The following FBH1 variants were observed in gnomAD, a reference collection of about 807,000 sequenced individuals.
The protein encoded by FBH1 is DNA 3'-5' helicase 1.
In FBH1, 43 loss-of-function variants were observed where a neutral mutation model predicts 115.5. The observed-to-expected ratio is 0.37, with a 90% CI of 0.29 to 0.48. FBH1 has a LOEUF of 0.48. FBH1 is among the 20% of genes least tolerant of loss of function. The probability of loss-of-function intolerance (pLI) is 0.99; values close to 1 mark genes in which losing one functional copy is unlikely to be tolerated. For synonymous variants in FBH1, 524 were observed against 507.8 expected, an observed-to-expected ratio of 1.03 and a Z score of -0.43; for missense variants, 1,001 against 1,337.3, an observed-to-expected ratio of 0.75 and a Z score of 3.92.
In FBH1 at chr10:5,911,188, A is replaced by G. The variant is rs1831566953; in HGVS notation, c.1211+60A>G. 5.9e-6 allele frequency: 9 copies of G among 1,516,464 alleles called. No individual in the cohort carries two copies. Among genetic ancestry groups the G allele is most frequent in the Admixed American group, 5.5e-5 (3 of 54,858 alleles). 93.9% of individuals were successfully genotyped at this position (1,516,464 alleles called of 1,614,324 possible). On this transcript the variant is annotated intron_variant, in intron 6 of 20. Transcript: ENST00000362091. The surrounding 1 kb of genome is among the most constrained non-coding windows in gnomAD (Gnocchi z 5.4). The stretch of plus-strand genomic sequence containing the variant: ...ATAATGGGAGAGTCCCAGACACAGC[A>G]GCAGGTCCAGCCCTGCCACTTAGCA...
chr10:5,916,321 A>G lies in FBH1; in HGVS notation c.1653A>G (p.Ile551Met). The change falls in exon 10 of 21, where the codon ATA becomes ATG. Residue 551 changes from isoleucine (I) to methionine (M), a missense_variant. By Grantham distance (10) the Ile-to-Met change is conservative. Transcript: ENST00000362091. ...SVLAEGKGGF[I>M]RAKLVCKTLE... ...TTGCTGAAGGGAAGGGTGGATTCAT[A>G]AGAGCCAAGCTTGTGTGTAAGACTC... The G allele has an allele frequency of 6.2e-7, 1 of 1,614,236 alleles. No individual in the cohort carries two copies. Among genetic ancestry groups the G allele is most frequent in the Non-Finnish European group, 8.5e-7 (1 of 1,180,036 alleles).
In FBH1 at chr10:5,909,471, TA is replaced by T; in HGVS notation, c.1020+179del. 8.5e-6 allele frequency: 6 copies of T among 702,706 alleles called. No individual in the cohort carries two copies. The South Asian group carries it at 1.1e-4, about 13-fold the overall frequency. The allele number at this position is 702,706 out of a possible 1,614,324, so 43.5% of individuals were successfully genotyped here. A position where few individuals can be genotyped will look rare whatever the true frequency, so the allele number is the denominator to read the frequency against. ...CCCAGTGGAGAAATAAAAGGCCATATAATTGTAGAGTCTTAGATGTAGATGA... is the reference window on the plus strand; with the variant it reads ...CCCAGTGGAGAAATAAAAGGCCATATATTGTAGAGTCTTAGATGTAGATGA... On this transcript the variant is annotated intron_variant, in intron 5 of 20. Transcript: ENST00000362091. The surrounding 1 kb of genome is among the most constrained non-coding windows in gnomAD (Gnocchi z 4.4).
intron 2 of FBH1, 58 bp from the exon 3 acceptor site, chr10:5,905,979 C>T: frequency 8.0e-7 from 1 of 1,252,840 alleles, no homozygotes; most frequent in Non-Finnish European, 1.1e-6. Context: ...TATGGATTAA[C>T]AGCAGGTCAA....
intron 10 of FBH1, among the ~76,000 whole-genome samples, chr10:5,916,731 G>GGAAA (rs1460052024): frequency 6.6e-6 from 1 of 152,316 alleles, no homozygotes; most frequent in Admixed American, 6.5e-5. Flanking sequence ...CTGAGGATGG[G>GGAAA]CAAACAGGGA....
intron 19 of FBH1, chr10:5,934,127 G>T (rs1833156060): frequency 1.3e-5 from 2 of 152,324 alleles, no homozygotes; most frequent in South Asian, 4.1e-4. Flanking sequence ...ACGGACGGGG[G>T]TGTTTTGGAG....
Position 5,914,327 on chromosome 10 carries a change from TC to T in FBH1, c.1396+62del. 10 of 1,434,382 alleles carry T rather than the reference TC, an allele frequency of 7.0e-6. No homozygotes were observed. Among genetic ancestry groups the T allele is most frequent in the Non-Finnish European group, 9.8e-6 (10 of 1,016,602 alleles). 88.9% of individuals were successfully genotyped at this position (1,434,382 alleles called of 1,614,324 possible). On this transcript the variant is annotated intron_variant, in intron 8 of 20. Coordinates refer to ENST00000362091, the MANE Select transcript of FBH1 (RefSeq NM_178150.3). This position sits in a 1 kb window ranked among gnomAD's most constrained non-coding sequence, Gnocchi z 5.2. ...TGGTTTTCTGCCTTTTCTCCCTACATCCCCTTCCCGCTACCTGCCAGGGCAT... is the reference window on the plus strand; with the variant it reads ...TGGTTTTCTGCCTTTTCTCCCTACATCCCTTCCCGCTACCTGCCAGGGCAT...
In FBH1 at chr10:5,897,082, T is replaced by G. The variant is rs1224894690; in HGVS notation, c.2-5938T>G. Reference sequence around the variant, plus strand: ...TAATGCTATTAAAACTGATGTGCCTTAGGAGACCCTCAGATTGGTGTGGTA... The same window carrying G: ...TAATGCTATTAAAACTGATGTGCCTGAGGAGACCCTCAGATTGGTGTGGTA... On this transcript the variant is annotated intron_variant, in intron 1 of 20. Transcript: ENST00000362091. The surrounding 1 kb of genome is among the most constrained non-coding windows in gnomAD (Gnocchi z 4.7). Among the ~76,000 whole-genome samples, 3 of 152,204 alleles carry G rather than the reference T, an allele frequency of 2.0e-5. No individual in the cohort carries two copies. Among genetic ancestry groups the G allele is most frequent in the Non-Finnish European group, 4.4e-5 (3 of 68,034 alleles).
intron 1 of FBH1, 28 bp from the exon 2 acceptor site, chr10:5,902,992 C>T (rs534808024): frequency 1.9e-6 from 3 of 1,579,042 alleles, no homozygotes; most frequent in African/African-American, 2.7e-5. Flanking sequence ...TGAATATCCC[C>T]TTTCTTCTAC....
chr10:5,920,101 G>A lies in FBH1; in HGVS notation c.2101-1157G>A, dbSNP rs563495264. Among the ~76,000 whole-genome samples, 5 of 152,292 alleles carry A rather than the reference G, an allele frequency of 3.3e-5. No homozygotes were observed. In the South Asian group the frequency reaches 1.0e-3, roughly 32 times the overall value. On this transcript the variant is annotated intron_variant, in intron 13 of 20. Transcript: ENST00000362091. ...AACCATGTGTCATGAGGCTCTTCTT[G>A]GCTGTGACAGTTGCTCAGACTTTCC...
chr10:5,929,099 T>C (rs1252977879), intron 19 of FBH1, among the ~76,000 whole-genome samples: 1 of 152,186 alleles, frequency 6.6e-6, no homozygotes, highest in African/African-American at 2.4e-5. Flanking sequence ...GGAATATTTA[T>C]TGAGGGCCTA....
chr10:5,921,154 A>G lies in FBH1; in HGVS notation c.2101-104A>G. 9.3e-7 allele frequency: 1 copy of G among 1,070,864 alleles called. No homozygotes were observed. Among genetic ancestry groups the G allele is most frequent in the Non-Finnish European group, 1.4e-6 (1 of 726,658 alleles). The allele number at this position is 1,070,864 out of a possible 1,614,324, so 66.3% of individuals were successfully genotyped here. On this transcript the variant is annotated intron_variant, in intron 13 of 20. Coordinates refer to ENST00000362091, the MANE Select transcript of FBH1 (RefSeq NM_178150.3). The surrounding 1 kb of genome is among the most constrained non-coding windows in gnomAD (Gnocchi z 6.4). ...TCGCTTTCCATGCGGGGGGTCAGGA[A>G]CAACTTGTAGGGTCTGGCCCGGCCA... is the stretch of plus-strand genomic sequence containing the variant.
At chr10:5,920,583 A>G (rs901749213) in intron 13 of FBH1, among the ~76,000 whole-genome samples, 4 of 152,326 alleles carry the variant, frequency 2.6e-5, no homozygotes, top group Non-Finnish European at 4.4e-5. Flanking sequence ...TATTTATGTT[A>G]TAATTTCGGT....
chr10:5,896,414 A>T (rs1843006289), intron 1 of FBH1, among the ~76,000 whole-genome samples: 1 of 152,120 alleles, frequency 6.6e-6, no homozygotes, highest in Non-Finnish European at 1.5e-5. Context: ...GGGTCCTGGA[A>T]TGGGGACCCC....
Position 5,933,593 on chromosome 10 carries a change from C to T in FBH1, c.2830-2863C>T, listed in dbSNP as rs1361778438. 2.0e-5 allele frequency among the ~76,000 whole-genome samples: 3 copies of T among 151,570 alleles called. No homozygotes were observed. The highest frequency in any genetic ancestry group is 4.4e-5 in the Non-Finnish European group (3 of 67,962). Reference sequence around the variant, plus strand: ...CAGAAAAACTGCCTATTTGTGGGAACAGATTTTTTAAGGCTGTAAGACCTT... The same window carrying T: ...CAGAAAAACTGCCTATTTGTGGGAATAGATTTTTTAAGGCTGTAAGACCTT... On this transcript the variant is annotated intron_variant, in intron 19 of 20. Transcript: ENST00000362091. The surrounding 1 kb of genome is among the most constrained non-coding windows in gnomAD (Gnocchi z 4.9).
At chr10:5,907,267 T>G (rs1564441010) in intron 3 of FBH1, among the ~76,000 whole-genome samples, 1 of 151,936 alleles carries the variant, frequency 6.6e-6, no homozygotes, top group Non-Finnish European at 1.5e-5. Context: ...GTCTGGCCCA[T>G]TTTTTGTTTG....
rs561669372 is a variant in FBH1 at position 5,924,991 on chromosome 10, G to A, written c.2597-376G>A. On this transcript the variant is annotated intron_variant, in intron 17 of 20. Coordinates refer to ENST00000362091, the MANE Select transcript of FBH1 (RefSeq NM_178150.3). This position sits in a 1 kb window ranked among gnomAD's most constrained non-coding sequence, Gnocchi z 6.2. ...TTTATTCTGTTCTACTTTCAAGCCC[G>A]TACAATGGGATTTTCTAGTCCCAGC... Among the ~76,000 whole-genome samples the A allele has an allele frequency of 1.5e-4, 23 of 152,222 alleles. No individual in the cohort carries two copies. The highest frequency in any genetic ancestry group is 2.9e-4 in the Non-Finnish European group (20 of 68,002).
intron 1 of FBH1, among the ~76,000 whole-genome samples, chr10:5,893,034 G>A (rs1399985308): frequency 1.3e-5 from 2 of 152,216 alleles, no homozygotes; most frequent in Non-Finnish European, 2.9e-5. Flanking sequence ...GGCCGGGCGC[G>A]GTGGCTGACG....
In FBH1 at chr10:5,915,373, G is replaced by T. The variant is rs1477465629; in HGVS notation, c.1397-30G>T. The T allele has an allele frequency of 6.2e-7, 1 of 1,612,008 alleles. No homozygotes were observed. The highest frequency in any genetic ancestry group is 8.5e-7 in the Non-Finnish European group (1 of 1,178,822). On this transcript the variant is annotated intron_variant, in intron 8 of 20. Coordinates refer to ENST00000362091, the MANE Select transcript of FBH1 (RefSeq NM_178150.3). The surrounding 1 kb of genome is among the most constrained non-coding windows in gnomAD (Gnocchi z 5.2). ...CTGGGCATGTCTTGTCTGGTCAGAG[G>T]GTCACCTCCTTTCCTCCTGGCTTCC...
Position 5,907,265 on chromosome 10 carries a change from C to T in FBH1, c.753+633C>T, listed in dbSNP as rs531371961. Among the ~76,000 whole-genome samples, 39 of 151,950 alleles carry T rather than the reference C, an allele frequency of 2.6e-4. No homozygotes were observed. In the South Asian group the frequency reaches 7.3e-3, roughly 28 times the overall value. On this transcript the variant is annotated intron_variant, in intron 3 of 20. Coordinates refer to ENST00000362091, the MANE Select transcript of FBH1 (RefSeq NM_178150.3). ...CAGGCGTGAGCCACCATGTCTGGCC[C>T]ATTTTTTGTTTGTTTGTTTGTTTGA...
Sources: gnomAD v4.1 joint callset for allele counts (sites outside exome capture counted in the v4.1 genomes callset) on GRCh38, gnomAD v4.1.1 for gene constraint, Gnocchi (gnomAD v3.1) non-coding constraint, MANE v1.5 for transcripts, NCBI Gene and HGNC (gene_info 2026-07-23, HGNC 2026-07-21) for gene names.